Variants in DIP2C observed in about 807,000 individuals in gnomAD.
DIP2C encodes the protein DIP2 acetate--CoA ligase C (putative), also known as disco-interacting protein 2 homolog C.
Under a neutral mutation model 192.4 loss-of-function variants are expected in DIP2C, and 33 were observed. The ratio of observed to expected loss-of-function variants is 0.17; its 90% CI spans 0.13 to 0.23. The LOEUF is 0.23. Among genes scored for constraint, DIP2C ranks in the 10% least tolerant of loss-of-function variants. DIP2C has a pLI of 1.00. For missense variants in DIP2C, 1,537 were observed against 2,110.1 expected (o/e 0.73, Z 5.32); for synonymous variants, 979 against 864.1 (o/e 1.13, Z -2.33).
chr10:675,068 T>G (rs1193480820), intron 1 of DIP2C, among the ~76,000 whole-genome samples: 1 of 152,052 alleles, frequency 6.6e-6, no homozygotes, highest in African/African-American at 2.4e-5. Context: ...ATACATTTTT[T>G]TAAAATTGAA....
intron 1 of DIP2C, chr10:662,118 G>A (rs1203839508): frequency 2.8e-6 from 2 of 717,254 alleles, no homozygotes; most frequent in African/African-American, 1.7e-5. Context: ...GTATCTGACA[G>A]GTAAGGACTT....
chr10:639,539 C>G (rs1364222332), intron 1 of DIP2C, among the ~76,000 whole-genome samples: 1 of 152,222 alleles, frequency 6.6e-6, no homozygotes, highest in African/African-American at 2.4e-5. Flanking sequence ...TATGCACATT[C>G]TCCACTGAAG....
chr10:689,539 C>A lies in DIP2C; in HGVS notation c.40G>T (p.Glu14Ter), dbSNP rs1383184475. 7.7e-7 allele frequency: 1 copy of A among 1,300,350 alleles called. No homozygotes were observed. The highest frequency in any genetic ancestry group is 4.2e-5 in the East Asian group (1 of 23,574). 80.6% of individuals were successfully genotyped at this position (1,300,350 alleles called of 1,614,324 possible). Residue 14 changes from glutamate (E) to a stop codon, truncating the protein, a stop_gained, in exon 1 of 37, where the codon GAG becomes TAG. Transcript: ENST00000280886. LOFTEE classifies it high-confidence loss of function. The surrounding 1 kb of genome is among the most constrained non-coding windows in gnomAD (Gnocchi z 6.1). ...RSLEGMALPL[E>*]VRARLAELEL... ...AGCTCGGCCAGGCGCGCCCGCACCT[C>A]CAGGGGCAGCGCCATGCCCTCCAGG...
intron 1 of DIP2C, among the ~76,000 whole-genome samples, chr10:595,037 G>A (rs561194777): frequency 2.0e-5 from 3 of 152,284 alleles, no homozygotes; most frequent in African/African-American, 7.2e-5. Context: ...CAGTGTGTCC[G>A]ATGCCCGTTC....
At chr10:309,560 CTTTTTTT>C (rs766027771) in intron 32 of DIP2C, among the ~76,000 whole-genome samples, 412 of 137,150 alleles carry the variant, frequency 3.0e-3, no homozygotes, top group Middle Eastern at 0.023. Flanking sequence ...AACAGAGTTT[CTTTTTTT>C]TTTTTTTTTG....
chr10:561,156 G>A (rs1849193933), intron 1 of DIP2C, among the ~76,000 whole-genome samples: 1 of 152,188 alleles, frequency 6.6e-6, no homozygotes, highest in Non-Finnish European at 1.5e-5. Flanking sequence ...CTTGGGAATA[G>A]GTTCTTAGTA....
At chr10:558,900 G>A (rs1849045904) in intron 1 of DIP2C, among the ~76,000 whole-genome samples, 1 of 152,096 alleles carries the variant, frequency 6.6e-6, no homozygotes, top group African/African-American at 2.4e-5. Flanking sequence ...GAACACAGCA[G>A]GACCCCAGAC....
At chr10:417,772 A>T (rs12779764) in intron 6 of DIP2C, among the ~76,000 whole-genome samples, 1,276 of 40,166 alleles carry the variant, frequency 0.032, 209 homozygotes, top group Admixed American at 0.038. Context: ...GTCCACCTGC[A>T]CCTGTCAGGG....
At chr10:371,516 T>C (rs1960953004) in intron 17 of DIP2C, among the ~76,000 whole-genome samples, 1 of 152,152 alleles carries the variant, frequency 6.6e-6, no homozygotes, top group Non-Finnish European at 1.5e-5. Context: ...AAAAGAGAGG[T>C]CCTGACACAG....
intron 1 of DIP2C, among the ~76,000 whole-genome samples, chr10:593,496 C>G (rs879424475): frequency 4.9e-4 from 62 of 125,772 alleles, no homozygotes; most frequent in Non-Finnish European, 6.3e-4. Flanking sequence ...CCCCCCCCCC[C>G]CCACCCTTTC....
At chr10:431,698 T>A (rs190439577) in intron 4 of DIP2C, among the ~76,000 whole-genome samples, 32 of 152,358 alleles carry the variant, frequency 2.1e-4, no homozygotes, top group Admixed American at 2.0e-4. Flanking sequence ...TGAACAAAGT[T>A]TTATTTCTCT....
At chr10:359,460 G>C (rs1589602824) in intron 22 of DIP2C, among the ~76,000 whole-genome samples, 1 of 152,214 alleles carries the variant, frequency 6.6e-6, no homozygotes, top group African/African-American at 2.4e-5. Flanking sequence ...GGAGCCTCGA[G>C]TCTGGACTCT....
At chr10:400,691 A>C (rs568199968) in intron 9 of DIP2C, among the ~76,000 whole-genome samples, 4 of 151,152 alleles carry the variant, frequency 2.6e-5, no homozygotes, top group African/African-American at 4.9e-5. Context: ...GTATGTGTTC[A>C]TCAGCACATG....
At chr10:307,826 G>A (rs535491899) in intron 32 of DIP2C, among the ~76,000 whole-genome samples, 3 of 151,174 alleles carry the variant, frequency 2.0e-5, no homozygotes, top group South Asian at 4.2e-4. Context: ...GTGCCTGGGC[G>A]GGGCCCGGCA....
At chr10:500,477 T>TA (rs1310232300) in intron 1 of DIP2C, among the ~76,000 whole-genome samples, 1 of 152,264 alleles carries the variant, frequency 6.6e-6, no homozygotes, top group East Asian at 1.9e-4. Context: ...GCCTAGGTTT[T>TA]ACACGAGAAT....
chr10:546,605 C>T (rs1031053595), intron 1 of DIP2C, among the ~76,000 whole-genome samples: 1 of 152,220 alleles, frequency 6.6e-6, no homozygotes, highest in Non-Finnish European at 1.5e-5. Flanking sequence ...TCACAAGCGG[C>T]ACTTCCATGC....
At chr10:461,149 G>C (rs1362629735) in intron 3 of DIP2C, among the ~76,000 whole-genome samples, 1 of 152,106 alleles carries the variant, frequency 6.6e-6, no homozygotes, top group African/African-American at 2.4e-5. Context: ...CAACTAATGG[G>C]CAAAATAACC....
intron 1 of DIP2C, among the ~76,000 whole-genome samples, chr10:536,218 G>A (rs1847683689): frequency 6.6e-6 from 1 of 152,182 alleles, no homozygotes; most frequent in Non-Finnish European, 1.5e-5. Context: ...GCCCATCTCT[G>A]CCTCTGCCTT....
rs374785776 is a variant in DIP2C, at chr10:450,923, G to A, written c.269-9927C>T. On this transcript the variant is annotated intron_variant, in intron 3 of 36. Transcript: ENST00000280886. ...CTTACACACACACAGACATGTACAG[G>A]TCTGTATGTGCGTACATGTATGTAT... Among the ~76,000 whole-genome samples, 3 of 152,298 alleles carry A rather than the reference G, an allele frequency of 2.0e-5. No individual in the cohort carries two copies. In the South Asian group the frequency reaches 6.2e-4, roughly 32 times the overall value.
Sources: gnomAD v4.1 joint callset for allele counts (sites outside exome capture counted in the v4.1 genomes callset) on GRCh38, gnomAD v4.1.1 for gene constraint, Gnocchi (gnomAD v3.1) non-coding constraint, MANE v1.5 for transcripts, NCBI Gene and HGNC (gene_info 2026-07-23, HGNC 2026-07-21) for gene names.